The following NSMCE2 variants were observed in gnomAD, a reference collection of about 807,000 sequenced individuals.
NSMCE2 encodes E3 SUMO-protein ligase NSE2.
In NSMCE2, 24 loss-of-function variants were observed where a neutral mutation model predicts 23.8. The observed-to-expected ratio is 1.01, with a 90% CI of 0.73 to 1.42. The LOEUF is 1.42. NSMCE2 is among the 40% of genes most tolerant of loss of function. The pLI is 0.00. For synonymous variants in NSMCE2, 92 were observed against 94.1 expected (o/e 0.98, Z 0.13); for missense variants, 284 against 296.5 (o/e 0.96, Z 0.31).
Position 125,123,679 on chromosome 8 carries a change from A to C in NSMCE2, c.157+21192A>C, listed in dbSNP as rs567126645. Among the ~76,000 whole-genome samples the C allele has an allele frequency of 5.3e-5, 8 of 152,368 alleles. No homozygotes were observed. In the East Asian group the frequency reaches 1.3e-3, roughly 26 times the overall value. On this transcript the variant is annotated intron_variant, in intron 3 of 7. Transcript: ENST00000287437. ...GCCAGTCCTATTTGCCGTTATATGT[A>C]GAGCTATTAAGTTTGGAACATTAAG...
chr8:125,261,592 C>T (rs1383453448), intron 5 of NSMCE2, among the ~76,000 whole-genome samples: 2 of 152,112 alleles, frequency 1.3e-5, no homozygotes, highest in Non-Finnish European at 2.9e-5. Flanking sequence ...AATATACTTA[C>T]ACTTTGAATT....
chr8:125,244,048 C>A (rs1368481721), intron 5 of NSMCE2, among the ~76,000 whole-genome samples: 1 of 151,694 alleles, frequency 6.6e-6, no homozygotes, highest in Admixed American at 6.6e-5. Flanking sequence ...TTTTAAGTAG[C>A]ATAGAATTAA....
At chr8:125,153,056 CAAAAAA>C (rs768246218) in intron 4 of NSMCE2, among the ~76,000 whole-genome samples, 2 of 47,456 alleles carry the variant, frequency 4.2e-5, no homozygotes, top group Non-Finnish European at 9.7e-5. Context: ...GACTCCGTCT[CAAAAAA>C]AAAAAAAAAA....
intron 5 of NSMCE2, among the ~76,000 whole-genome samples, chr8:125,253,309 T>C (rs529284298): frequency 5.4e-4 from 83 of 152,332 alleles, no homozygotes; most frequent in African/African-American, 1.7e-3. Context: ...TGTGCTCAGC[T>C]CAAAGCCTTG....
intron 5 of NSMCE2, among the ~76,000 whole-genome samples, chr8:125,262,913 T>C (rs74660548): frequency 0.018 from 1,851 of 102,660 alleles, 38 homozygotes; most frequent in African/African-American, 0.057. Flanking sequence ...GTTTTGACCA[T>C]TTCAGTGCCT....
At chr8:125,342,332 AG>A (rs1830283064) in intron 5 of NSMCE2, among the ~76,000 whole-genome samples, 1 of 152,234 alleles carries the variant, frequency 6.6e-6, no homozygotes, top group Non-Finnish European at 1.5e-5. Context: ...AATGTCATGA[AG>A]GAGGAAGTTT....
intron 3 of NSMCE2, among the ~76,000 whole-genome samples, chr8:125,133,002 A>G (rs991905955): frequency 6.6e-6 from 1 of 152,206 alleles, no homozygotes; most frequent in African/African-American, 2.4e-5. Context: ...TATTAACTCA[A>G]AGTCTCAGAG....
intron 4 of NSMCE2, among the ~76,000 whole-genome samples, chr8:125,175,403 T>A (rs1310362637): frequency 6.6e-6 from 1 of 152,230 alleles, no homozygotes; most frequent in Non-Finnish European, 1.5e-5. Context: ...AAAGTTGGCA[T>A]ACTTAGAGTA....
intron 5 of NSMCE2, among the ~76,000 whole-genome samples, chr8:125,295,522 C>T (rs969296046): frequency 4.6e-5 from 7 of 152,318 alleles, no homozygotes; most frequent in Admixed American, 4.6e-4. Context: ...GAGAATAACA[C>T]ACAGGTCGGA....
At chr8:125,248,793 A>G (rs1826093634) in intron 5 of NSMCE2, among the ~76,000 whole-genome samples, 1 of 152,280 alleles carries the variant, frequency 6.6e-6, no homozygotes, top group Non-Finnish European at 1.5e-5. Flanking sequence ...CATTGGAAGT[A>G]TGCAGATAGG....
At chr8:125,287,265 G>A (rs13262218) in intron 5 of NSMCE2, among the ~76,000 whole-genome samples, 78,468 of 152,006 alleles carry the variant, frequency 0.52, 22,327 homozygotes, top group Non-Finnish European at 0.63. Context: ...CTGTTAGGTA[G>A]AGGTTGCAGT....
intron 5 of NSMCE2, among the ~76,000 whole-genome samples, chr8:125,198,616 C>T (rs111675971): frequency 0.069 from 10,555 of 152,208 alleles, 452 homozygotes; most frequent in South Asian, 0.15. Flanking sequence ...ATTTTCACAT[C>T]GATGTTCATC....
intron 5 of NSMCE2, among the ~76,000 whole-genome samples, chr8:125,247,845 G>A (rs915999147): frequency 2.0e-5 from 3 of 151,980 alleles, no homozygotes; most frequent in African/African-American, 7.3e-5. Flanking sequence ...TTATTACTAA[G>A]ACAAGTTGTA....
chr8:125,236,738 A>G (rs553032262), intron 5 of NSMCE2, among the ~76,000 whole-genome samples: 1 of 151,972 alleles, frequency 6.6e-6, no homozygotes, highest in Non-Finnish European at 1.5e-5. Flanking sequence ...TTTGACTAAC[A>G]TCTCTGCCCA....
At chr8:125,147,728 A>G (rs570012116) in intron 3 of NSMCE2, among the ~76,000 whole-genome samples, 126 of 152,278 alleles carry the variant, frequency 8.3e-4, no homozygotes, top group South Asian at 2.1e-3. Context: ...TACCTCCACA[A>G]CCACCCCAAC....
chr8:125,343,867 G>C (rs142864670), intron 5 of NSMCE2, among the ~76,000 whole-genome samples: 1 of 152,000 alleles, frequency 6.6e-6, no homozygotes, highest in African/African-American at 2.4e-5. Flanking sequence ...TTAGCTGGAC[G>C]TGGTGGCGGG....
At chr8:125,167,735 G>T (rs1282808879) in intron 4 of NSMCE2, among the ~76,000 whole-genome samples, 1 of 151,754 alleles carries the variant, frequency 6.6e-6, no homozygotes, top group Non-Finnish European at 1.5e-5. Context: ...GGAAAAATCA[G>T]TGGAATTCTT....
At chr8:125,109,111 A>T (rs538014135) in intron 3 of NSMCE2, among the ~76,000 whole-genome samples, 2 of 152,304 alleles carry the variant, frequency 1.3e-5, no homozygotes, top group East Asian at 3.9e-4. Context: ...AAAGGATTTG[A>T]TTTGTGTGCT....
chr8:125,095,192 A>G (rs1033455656), intron 1 of NSMCE2, among the ~76,000 whole-genome samples: 71 of 152,216 alleles, frequency 4.7e-4, no homozygotes, highest in African/African-American at 1.5e-3. Context: ...TGCCTATCAT[A>G]TTGGACAGTG....
Sources: allele counts gnomAD v4.1 joint callset (sites outside exome capture counted in the v4.1 genomes callset), GRCh38; gene constraint gnomAD v4.1.1; transcripts MANE v1.5; gene names NCBI Gene and HGNC (gene_info 2026-07-23, HGNC 2026-07-21).